MPP4: variants seen among roughly 807,000 people sequenced by gnomAD.
MPP4 encodes MAGUK p55 scaffold protein 4, also known as MAGUK p55 subfamily member 4.
A neutral mutation model predicts 98.3 loss-of-function variants in MPP4; 91 were observed. The observed-to-expected ratio is 0.93, with a 90% CI of 0.78 to 1.10. The LOEUF (loss-of-function observed/expected upper bound fraction) is 1.10. Among genes scored for constraint, MPP4 ranks in the 50% least tolerant of loss-of-function variants. The pLI, the probability that MPP4 is intolerant of heterozygous loss-of-function variation, is 0.00. For missense variants in MPP4, 744 were observed against 792.9 expected (o/e 0.94, Z 0.74); for synonymous variants, 261 against 271.8 (o/e 0.96, Z 0.39).
intron 18 of MPP4, chr2:201,651,405 A>G: frequency 1.0e-6 from 1 of 985,418 alleles, no homozygotes; most frequent in Non-Finnish European, 1.2e-6. Flanking sequence ...TATAGCTCTC[A>G]GGTGATAGTG....
At chr2:201,680,093 C>G (rs541287967) in intron 10 of MPP4, 1 of 152,224 alleles carries the variant, frequency 6.6e-6, no homozygotes, top group South Asian at 2.1e-4. Flanking sequence ...AGTGGCTGAG[C>G]CTGGGACTGC....
At chr2:201,682,114 C>T (rs754257514) in intron 8 of MPP4, among the ~76,000 whole-genome samples, 8 of 152,200 alleles carry the variant, frequency 5.3e-5, no homozygotes, top group Non-Finnish European at 1.0e-4. Context: ...GGGCATTAAA[C>T]ATCTAGAGAT....
intron 18 of MPP4, 140 bp downstream of exon 18, chr2:201,654,697 T>C (rs891004835): frequency 4.1e-6 from 2 of 486,082 alleles, no homozygotes; most frequent in Admixed American, 4.3e-5. Context: ...CTTATTAAAA[T>C]AAATATGGTT....
At chr2:201,668,707 G>A (rs1028551747) in intron 12 of MPP4, among the ~76,000 whole-genome samples, 1 of 152,084 alleles carries the variant, frequency 6.6e-6, no homozygotes, top group Non-Finnish European at 1.5e-5. Context: ...ATCTTGTTAC[G>A]GAAGCTCAAG....
intron 10 of MPP4, 31 bp from the exon 11 acceptor site, chr2:201,675,302 A>C: frequency 6.3e-7 from 1 of 1,585,456 alleles, no homozygotes. Context: ...TGCGACAAAA[A>C]ACAAACAAAA....
intron 14 of MPP4, 133 bp downstream of exon 14, chr2:201,663,948 G>A (rs1688093854): frequency 6.3e-6 from 3 of 476,574 alleles, no homozygotes; most frequent in Admixed American, 8.7e-5. Flanking sequence ...ACATGATGTG[G>A]GATACACGCA....
At chr2:201,656,169 G>A in intron 17 of MPP4, 29 bp downstream of exon 17, 2 of 1,564,706 alleles carry the variant, frequency 1.3e-6, no homozygotes, top group South Asian at 2.4e-5. Flanking sequence ...TCTCAAGGAG[G>A]AGGAGAGACA....
intron 3 of MPP4, among the ~76,000 whole-genome samples, chr2:201,690,826 G>T (rs1414828897): frequency 1.3e-5 from 2 of 152,140 alleles, no homozygotes; most frequent in Admixed American, 1.3e-4. Context: ...TCTAGTACAA[G>T]TTCATTTTTT....
chr2:201,687,222 A>G, intron 5 of MPP4, 69 bp downstream of exon 5: 1 of 1,265,640 alleles, frequency 7.9e-7, no homozygotes, highest in Non-Finnish European at 1.1e-6. Context: ...TCCATCACAT[A>G]TATTTCTCCT....
chr2:201,686,023 C>T lies in MPP4; in HGVS notation c.388G>A (p.Ala130Thr). ...AGAAGGGGTTCAAAATCTTTCTGAGCTATCGTGTCATGGGCACTGAGCAAG... is the reference window on the plus strand; with the variant it reads ...AGAAGGGGTTCAAAATCTTTCTGAGTTATCGTGTCATGGGCACTGAGCAAG... Reference protein sequence around the residue: ...KALLSAHDTIAQKDFEPLLPP... With the variant: ...KALLSAHDTITQKDFEPLLPP... Residue 130 changes from alanine (A) to threonine (T), a missense_variant, in exon 6 of 22, where the codon GCT becomes ACT. Ala to Thr is a moderately conservative substitution (Grantham distance 58). Transcript: ENST00000409474. The T allele has an allele frequency of 6.2e-7, 1 of 1,612,328 alleles. No homozygotes were observed. Among genetic ancestry groups the T allele is most frequent in the Non-Finnish European group, 8.5e-7 (1 of 1,178,582 alleles).
At chr2:201,666,212 T>G in intron 13 of MPP4, 122 bp downstream of exon 13, 2 of 688,556 alleles carry the variant, frequency 2.9e-6, no homozygotes, top group Non-Finnish European at 2.3e-6. Flanking sequence ...GGGTGGAGGG[T>G]CATTTTACAC....
chr2:201,669,961 G>A (rs531082900), intron 11 of MPP4, among the ~76,000 whole-genome samples: 1 of 152,280 alleles, frequency 6.6e-6, no homozygotes, highest in African/African-American at 2.4e-5. Context: ...GAGCCTTGTT[G>A]GAAATGGAAA....
chr2:201,655,030 G>T, intron 17 of MPP4, 113 bp from the exon 18 acceptor site: 3 of 649,408 alleles, frequency 4.6e-6, no homozygotes, highest in South Asian at 2.6e-5. Flanking sequence ...AATATTTTTA[G>T]GGAAATTATG....
At chr2:201,693,190 T>C (rs1689088402) in intron 2 of MPP4, among the ~76,000 whole-genome samples, 161 bp from the exon 3 acceptor site, 1 of 152,188 alleles carries the variant, frequency 6.6e-6, no homozygotes, top group South Asian at 2.1e-4. Flanking sequence ...ACCTCTTACT[T>C]TGTGAACGTC....
chr2:201,676,173 G>T (rs1688503241), intron 10 of MPP4, among the ~76,000 whole-genome samples: 1 of 152,170 alleles, frequency 6.6e-6, no homozygotes, highest in African/African-American at 2.4e-5. Flanking sequence ...TGGAGATAAG[G>T]CCAGGGCATC....
At chr2:201,692,629 T>G (rs370547374) in intron 3 of MPP4, among the ~76,000 whole-genome samples, 1 of 151,894 alleles carries the variant, frequency 6.6e-6, no homozygotes, top group Admixed American at 6.5e-5. Flanking sequence ...ATTAATGCCC[T>G]TATACAAGAG....
chr2:201,650,927 C>T, intron 18 of MPP4: 1 of 985,350 alleles, frequency 1.0e-6, no homozygotes, highest in Non-Finnish European at 1.2e-6. Flanking sequence ...TATAGGAGTT[C>T]ATCAAATATC....
At chr2:201,675,017 C>T in intron 11 of MPP4, 190 bp downstream of exon 11, 1 of 717,354 alleles carries the variant, frequency 1.4e-6, no homozygotes, top group Non-Finnish European at 2.5e-6. Context: ...ATAGCCACCA[C>T]CCCCACGCCC....
chr2:201,679,845 A>T (rs2105937220), intron 10 of MPP4, among the ~76,000 whole-genome samples: 1 of 152,188 alleles, frequency 6.6e-6, no homozygotes, highest in Admixed American at 6.5e-5. Flanking sequence ...ACTGTCATCC[A>T]TTTCTTCAAA....
Sources: gnomAD v4.1 joint callset for allele counts (sites outside exome capture counted in the v4.1 genomes callset) on GRCh38, gnomAD v4.1.1 for gene constraint, MANE v1.5 for transcripts, NCBI Gene and HGNC (gene_info 2026-07-23, HGNC 2026-07-21) for gene names.